Variants in RBM46 observed in about 807,000 individuals in gnomAD.
RBM46 encodes the protein RNA binding motif protein 46.
In RBM46, 12 loss-of-function variants were observed where a neutral mutation model predicts 43.3. The observed-to-expected ratio is 0.28, with a 90% CI of 0.18 to 0.45. The LOEUF (loss-of-function observed/expected upper bound fraction) is 0.45. Among genes scored for constraint, RBM46 ranks in the 20% least tolerant of loss-of-function variants. The probability of loss-of-function intolerance (pLI) is 1.00; values close to 1 mark genes in which losing one functional copy is unlikely to be tolerated. For synonymous variants in RBM46, 205 were observed against 207.6 expected (o/e 0.99, Z 0.11); for missense variants, 412 against 639.1 (o/e 0.64, Z 3.83).
intron 4 of RBM46, among the ~76,000 whole-genome samples, chr4:154,818,862 C>T (rs1735591568): frequency 1.3e-5 from 2 of 151,992 alleles, no homozygotes; most frequent in African/African-American, 4.8e-5. Flanking sequence ...TCCTAAGAAC[C>T]ATTCATTTAG....
intron 4 of RBM46, among the ~76,000 whole-genome samples, chr4:154,809,151 A>C (rs1735056749): frequency 6.6e-6 from 1 of 151,162 alleles, no homozygotes; most frequent in African/African-American, 2.4e-5. Context: ...GTGTTCTAAA[A>C]CTCACTTTTA....
chr4:154,797,863 A>C lies in RBM46; in HGVS notation c.204A>C (p.Ile68=). The change falls in exon 3 of 5, where the codon ATA becomes ATC. Residue 68 remains isoleucine (I), a synonymous_variant. Coordinates refer to ENST00000281722, the MANE Select transcript of RBM46 (RefSeq NM_144979.5). ...PRGCEVFVGK[I]PRDMYEDELV... ...GCTGTGAAGTTTTTGTAGGAAAAAT[A>C]CCTCGTGATATGTATGAAGATGAGT... is the stretch of plus-strand genomic sequence containing the variant. 6 of 1,573,810 alleles carry C rather than the reference A, an allele frequency of 3.8e-6. No homozygotes were observed. Among genetic ancestry groups the C allele is most frequent in the Non-Finnish European group, 5.2e-6 (6 of 1,163,168 alleles).
chr4:154,827,090 C>T, intron 4 of RBM46: 8 of 1,106,806 alleles, frequency 7.2e-6, no homozygotes, highest in Non-Finnish European at 8.8e-6. Flanking sequence ...TATACACACA[C>T]ACATATAAAT....
chr4:154,825,183 A>T lies in RBM46; in HGVS notation c.1403-2685A>T, dbSNP rs903359533. Among the ~76,000 whole-genome samples, 5 of 152,152 alleles carry T rather than the reference A, an allele frequency of 3.3e-5. 1 individual carries two copies. Among genetic ancestry groups the T allele is most frequent in the African/African-American group, 1.2e-4 (5 of 41,460 alleles). ...TGGGATTGAAGAGCTAAGGATGTTAATTGGGAAGAAAAACTAGGGGTGGGC... is the reference window on the plus strand; with the variant it reads ...TGGGATTGAAGAGCTAAGGATGTTATTTGGGAAGAAAAACTAGGGGTGGGC... On this transcript the variant is annotated intron_variant, in intron 4 of 4. Coordinates refer to ENST00000281722, the MANE Select transcript of RBM46 (RefSeq NM_144979.5).
intron 4 of RBM46, among the ~76,000 whole-genome samples, chr4:154,823,897 T>G (rs1256955754): frequency 1.3e-5 from 2 of 152,024 alleles, no homozygotes; most frequent in African/African-American, 4.8e-5. Flanking sequence ...ACCACCAGAA[T>G]CTTTCTGAAT....
intron 4 of RBM46, among the ~76,000 whole-genome samples, chr4:154,800,163 G>A (rs1397967554): frequency 6.6e-6 from 1 of 152,000 alleles, no homozygotes; most frequent in East Asian, 1.9e-4. Flanking sequence ...TTTTTTTAAT[G>A]ACTAATTCTC....
At chr4:154,810,968 T>C (rs778486618) in intron 4 of RBM46, among the ~76,000 whole-genome samples, 1 of 152,236 alleles carries the variant, frequency 6.6e-6, no homozygotes, top group African/African-American at 2.4e-5. Context: ...GATTGTTAAA[T>C]CTTGTTAAAA....
At chr4:154,808,584 G>T (rs1735027214) in intron 4 of RBM46, among the ~76,000 whole-genome samples, 1 of 151,508 alleles carries the variant, frequency 6.6e-6, no homozygotes, top group African/African-American at 2.4e-5. Flanking sequence ...TTTTCCTGCT[G>T]CTGCCCAGTT....
At chr4:154,799,591 G>T in intron 4 of RBM46, 27 bp downstream of exon 4, 3 of 1,411,204 alleles carry the variant, frequency 2.1e-6, no homozygotes, top group South Asian at 1.6e-5. Flanking sequence ...TTTAAATGAT[G>T]TATAATATGA....
At chr4:154,800,799 T>C (rs1734597169) in intron 4 of RBM46, among the ~76,000 whole-genome samples, 1 of 152,184 alleles carries the variant, frequency 6.6e-6, no homozygotes, top group African/African-American at 2.4e-5. Flanking sequence ...CTGAAAATTA[T>C]TTTTTATATG....
intron 4 of RBM46, chr4:154,820,387 T>C: frequency 1.3e-6 from 2 of 1,526,826 alleles, no homozygotes; most frequent in Non-Finnish European, 1.8e-6. Flanking sequence ...CTCTTCAGCC[T>C]GGACCTGTGT....
rs373650301 is a variant in RBM46 at position 154,796,780 on chromosome 4, A to G, written c.28A>G (p.Asn10Asp). 91 of 1,611,956 alleles carry G rather than the reference A, an allele frequency of 5.6e-5. No homozygotes were observed. The highest frequency in any genetic ancestry group is 7.6e-5 in the Non-Finnish European group (90 of 1,179,150). The change falls in exon 2 of 5, where the codon AAT (asparagine) becomes GAT (aspartate). Residue 10 changes from asparagine (N) to aspartate (D), a missense_variant. Transcript: ENST00000281722. ...GAATGAAGAAAATATAGATGGAACA[A>G]ATGGATGCAGTAAAGTTCGAACTGG... MNEENIDGT[N>D]GCSKVRTGIQ...
At chr4:154,822,850 T>G (rs959894604) in intron 4 of RBM46, among the ~76,000 whole-genome samples, 1 of 151,824 alleles carries the variant, frequency 6.6e-6, no homozygotes, top group Non-Finnish European at 1.5e-5. Context: ...TTAGCTACCT[T>G]GGAAAACAGT....
chr4:154,797,230 GAGTA>G (rs747725880), intron 2 of RBM46, among the ~76,000 whole-genome samples: 3 of 152,144 alleles, frequency 2.0e-5, no homozygotes, highest in South Asian at 2.1e-4. Flanking sequence ...AAACAGCAGT[GAGTA>G]AGTGAGTGGT....
intron 3 of RBM46, 87 bp from the exon 4 acceptor site, chr4:154,798,695 G>C (rs1474954261): frequency 1.9e-6 from 2 of 1,067,672 alleles, no homozygotes; most frequent in Non-Finnish European, 2.5e-6. Context: ...TTGAGTTTCT[G>C]CTTCTCTGGG....
chr4:154,786,427 A>G (rs1484633767), intron 1 of RBM46, among the ~76,000 whole-genome samples: 2 of 152,174 alleles, frequency 1.3e-5, no homozygotes, highest in Non-Finnish European at 2.9e-5. Context: ...ACAAAAAATA[A>G]CATTTCTTTT....
chr4:154,797,113 G>A (rs762922943), intron 2 of RBM46, among the ~76,000 whole-genome samples: 16 of 152,002 alleles, frequency 1.1e-4, no homozygotes, highest in Admixed American at 2.0e-4. Context: ...CTAAGAAGCA[G>A]TTGAGAAAGA....
intron 4 of RBM46, among the ~76,000 whole-genome samples, chr4:154,801,748 A>G (rs1578917825): frequency 6.6e-6 from 1 of 152,212 alleles, no homozygotes; most frequent in South Asian, 2.1e-4. Flanking sequence ...CATTTCATAA[A>G]GAAGATTCAG....
At chr4:154,826,868 G>GT in intron 4 of RBM46, 1 of 1,490,060 alleles carries the variant, frequency 6.7e-7, no homozygotes, top group South Asian at 1.4e-5. Context: ...TGCACCTATG[G>GT]TGTAGGCATC....
Sources: allele counts gnomAD v4.1 joint callset (sites outside exome capture counted in the v4.1 genomes callset), GRCh38; gene constraint gnomAD v4.1.1; transcripts MANE v1.5; gene names NCBI Gene and HGNC (gene_info 2026-07-23, HGNC 2026-07-21).